FSTL4: variants seen among roughly 807,000 people sequenced by gnomAD.
The protein encoded by FSTL4 is follistatin like 4, also known as follistatin-related protein 4.
FSTL4 carries 28 observed loss-of-function variants against 78.2 expected under a neutral mutation model. The observed-to-expected ratio is 0.36, with a 90% confidence interval of 0.27 to 0.49. The LOEUF is 0.49. FSTL4 is among the 20% of genes least tolerant of loss of function. The probability of loss-of-function intolerance (pLI) is 0.98; values close to 1 mark genes in which losing one functional copy is unlikely to be tolerated. For synonymous variants in FSTL4, 422 were observed against 440.5 expected, an observed-to-expected ratio of 0.96 and a Z score of 0.53; for missense variants, 922 against 1,084.9, an observed-to-expected ratio of 0.85 and a Z score of 2.11.
At chr5:133,258,925 G>A (rs917735309) in intron 6 of FSTL4, among the ~76,000 whole-genome samples, 1 of 152,156 alleles carries the variant, frequency 6.6e-6, no homozygotes, top group Admixed American at 6.5e-5. Context: ...AACAAGAGTA[G>A]GTCCAACTTT....
At chr5:133,786,983 G>C in the FSTL4 span, among the ~76,000 whole-genome samples, 1 of 152,110 alleles carries the variant, frequency 6.6e-6, no homozygotes, top group Admixed American at 6.5e-5. Context: ...ACATTAGAGA[G>C]ATGAGATTCA....
chr5:133,351,588 A>C (rs2126926388), intron 4 of FSTL4, among the ~76,000 whole-genome samples: 1 of 151,714 alleles, frequency 6.6e-6, no homozygotes, highest in South Asian at 2.1e-4. Context: ...TTCTCTCTTC[A>C]GCTGCCTAAT....
intron 3 of FSTL4, among the ~76,000 whole-genome samples, chr5:133,402,615 A>AT (rs1203018261): frequency 1.3e-5 from 2 of 151,894 alleles, no homozygotes; most frequent in African/African-American, 4.8e-5. Context: ...AAAAAAATAT[A>AT]TTTTTCTTGT....
chr5:133,277,431 T>A (rs1329110726), intron 6 of FSTL4, among the ~76,000 whole-genome samples: 1 of 152,208 alleles, frequency 6.6e-6, no homozygotes, highest in South Asian at 2.1e-4. Flanking sequence ...GTATTTCTTA[T>A]GGGGACAGTG....
chr5:133,346,808 C>T (rs961680873), intron 4 of FSTL4, among the ~76,000 whole-genome samples: 3 of 152,128 alleles, frequency 2.0e-5, no homozygotes, highest in Admixed American at 6.5e-5. Context: ...GTTTCTCTCT[C>T]GCCTTTTCCA....
At chr5:133,771,483 G>A in the FSTL4 span, among the ~76,000 whole-genome samples, 1 of 151,900 alleles carries the variant, frequency 6.6e-6, no homozygotes. Context: ...TGTTGTTGCT[G>A]TTGTAGCTAT....
the FSTL4 span, among the ~76,000 whole-genome samples, chr5:133,675,597 T>A: frequency 6.6e-6 from 1 of 152,064 alleles, no homozygotes. Context: ...CGTGGTGCAG[T>A]CCCTGGCAGC....
chr5:133,395,890 A>G (rs771696751), intron 4 of FSTL4, among the ~76,000 whole-genome samples: 4 of 152,186 alleles, frequency 2.6e-5, no homozygotes, highest in Non-Finnish European at 5.9e-5. Flanking sequence ...GCCCGGAGGT[A>G]CATTCTAGGA....
the FSTL4 span, among the ~76,000 whole-genome samples, chr5:133,638,026 A>T: frequency 6.6e-6 from 1 of 152,118 alleles, no homozygotes; most frequent in Admixed American, 6.5e-5. Context: ...ACTCTCTGCA[A>T]AACTGTTCCA....
intron 2 of FSTL4, among the ~76,000 whole-genome samples, chr5:133,600,421 A>AG (rs35678803): frequency 0.01 from 1,531 of 146,512 alleles, 17 homozygotes; most frequent in African/African-American, 0.029. Context: ...TGTAGGATAA[A>AG]GGGGGGGGGG....
the FSTL4 span, among the ~76,000 whole-genome samples, chr5:133,673,991 T>C: frequency 2.0e-5 from 3 of 152,326 alleles, no homozygotes; most frequent in African/African-American, 7.2e-5. Flanking sequence ...TAGGAACATA[T>C]TTAAACTTTT....
the FSTL4 span, among the ~76,000 whole-genome samples, chr5:133,835,643 C>G: frequency 6.6e-6 from 1 of 152,134 alleles, no homozygotes; most frequent in East Asian, 1.9e-4. Flanking sequence ...AAAGCAAGCT[C>G]TAAGAAAATG....
chr5:133,680,725 A>G, the FSTL4 span, among the ~76,000 whole-genome samples: 1 of 152,118 alleles, frequency 6.6e-6, no homozygotes, highest in Non-Finnish European at 1.5e-5. Context: ...GGCAGAGGGG[A>G]GGGGTAGACA....
chr5:133,698,539 G>C, the FSTL4 span, among the ~76,000 whole-genome samples: 1 of 152,234 alleles, frequency 6.6e-6, no homozygotes, highest in Non-Finnish European at 1.5e-5. Flanking sequence ...ATGCGATAAT[G>C]CATGATGATT....
chr5:133,336,027 T>A (rs1048905188), intron 4 of FSTL4, among the ~76,000 whole-genome samples: 2 of 152,218 alleles, frequency 1.3e-5, no homozygotes, highest in African/African-American at 4.8e-5. Flanking sequence ...CTTACCCTGC[T>A]CTGTGAATTC....
intron 4 of FSTL4, among the ~76,000 whole-genome samples, chr5:133,348,458 T>G (rs1482220648): frequency 6.6e-6 from 1 of 151,824 alleles, no homozygotes; most frequent in Non-Finnish European, 1.5e-5. Context: ...AGAAGGGGAG[T>G]CTACATCCCA....
At chr5:133,794,014 T>A in the FSTL4 span, among the ~76,000 whole-genome samples, 1 of 152,114 alleles carries the variant, frequency 6.6e-6, no homozygotes. Context: ...CAAATGAAAA[T>A]GTAGGAGGCT....
the FSTL4 span, among the ~76,000 whole-genome samples, chr5:133,796,767 C>T: frequency 3.3e-5 from 5 of 152,064 alleles, no homozygotes; most frequent in South Asian, 4.1e-4. Context: ...GTGGGCCAAA[C>T]GGCAACTTTT....
chr5:133,591,661 CT>C (rs1760629440), intron 2 of FSTL4, among the ~76,000 whole-genome samples: 1 of 152,132 alleles, frequency 6.6e-6, no homozygotes, highest in South Asian at 2.1e-4. Context: ...CCTTGAGAAC[CT>C]GAGGATACAG....
Sources: gnomAD v4.1 joint callset for allele counts (sites outside exome capture counted in the v4.1 genomes callset) on GRCh38, gnomAD v4.1.1 for gene constraint, MANE v1.5 for transcripts, NCBI Gene and HGNC (gene_info 2026-07-23, HGNC 2026-07-21) for gene names.